Variants in NAALADL2 observed in about 807,000 individuals in gnomAD.
NAALADL2 encodes inactive N-acetylated-alpha-linked acidic dipeptidase-like protein 2.
In NAALADL2, 76 loss-of-function variants were observed where a neutral mutation model predicts 87.2. The ratio of observed to expected loss-of-function variants is 0.87; its 90% CI spans 0.72 to 1.05. The LOEUF (loss-of-function observed/expected upper bound fraction) is 1.05, where lower values mean the gene tolerates loss of function less well. Ranked by LOEUF, NAALADL2 falls within the 50% of genes least tolerant of loss-of-function variation. NAALADL2 has a pLI of 0.00. For missense variants in NAALADL2, 1,089 were observed against 945.8 expected (o/e 1.15, Z -1.99); for synonymous variants, 354 against 331.0 (o/e 1.07, Z -0.75).
chr3:175,391,858 C>T (rs1034202608), intron 5 of NAALADL2, among the ~76,000 whole-genome samples: 3 of 151,970 alleles, frequency 2.0e-5, no homozygotes, highest in African/African-American at 7.3e-5. Flanking sequence ...ATACTAGATG[C>T]TCAATGAATA....
chr3:174,510,279 T>G (rs1187681363), intron 1 of NAALADL2, among the ~76,000 whole-genome samples: 1 of 152,090 alleles, frequency 6.6e-6, no homozygotes, highest in African/African-American at 2.4e-5. Flanking sequence ...CTCTTGGATT[T>G]TCTGAAAAAA....
intron 2 of NAALADL2, among the ~76,000 whole-genome samples, chr3:174,709,977 T>C (rs534745197): frequency 1.5e-4 from 23 of 152,322 alleles, no homozygotes; most frequent in African/African-American, 5.5e-4. Context: ...CCTTTGTTTA[T>C]AAATAGCAGA....
intron 2 of NAALADL2, among the ~76,000 whole-genome samples, chr3:175,188,886 C>T (rs147810518): frequency 1.3e-5 from 2 of 150,606 alleles, no homozygotes; most frequent in Non-Finnish European, 3.0e-5. Flanking sequence ...CCCTGATCTC[C>T]AGGACCCAAG....
chr3:174,598,068 A>G (rs917022482), intron 2 of NAALADL2, among the ~76,000 whole-genome samples: 2 of 152,154 alleles, frequency 1.3e-5, no homozygotes, highest in African/African-American at 4.8e-5. Context: ...TTTGCCAGTT[A>G]GCTTTCAATA....
chr3:174,851,955 T>C (rs536863049), intron 3 of NAALADL2, among the ~76,000 whole-genome samples: 2 of 152,062 alleles, frequency 1.3e-5, no homozygotes, highest in Non-Finnish European at 2.9e-5. Flanking sequence ...TACATTACTT[T>C]AACAGAATGA....
chr3:175,634,344 C>T (rs1217282416), intron 11 of NAALADL2, among the ~76,000 whole-genome samples: 3 of 151,336 alleles, frequency 2.0e-5, no homozygotes, highest in African/African-American at 4.8e-5. Flanking sequence ...ATGTTTAAAA[C>T]ATGTTTGTAT....
chr3:174,531,444 G>C (rs1407295241), intron 1 of NAALADL2, among the ~76,000 whole-genome samples: 1 of 152,008 alleles, frequency 6.6e-6, no homozygotes, highest in Non-Finnish European at 1.5e-5. Context: ...TCCACGTAAA[G>C]GCCATCTCTC....
intron 2 of NAALADL2, among the ~76,000 whole-genome samples, chr3:174,654,070 G>C (rs999171434): frequency 7.4e-5 from 11 of 148,546 alleles, no homozygotes; most frequent in Non-Finnish European, 9.0e-5. Context: ...TTGTGTGTGT[G>C]TGTGTGTGTG....
intron 4 of NAALADL2, among the ~76,000 whole-genome samples, chr3:175,270,037 A>G (rs1218518365): frequency 6.6e-6 from 1 of 152,232 alleles, no homozygotes; most frequent in Non-Finnish European, 1.5e-5. Context: ...TCCTTAAAAT[A>G]AAAATTTTCA....
intron 2 of NAALADL2, among the ~76,000 whole-genome samples, chr3:174,580,260 T>C (rs528040632): frequency 6.6e-6 from 1 of 152,182 alleles, no homozygotes; most frequent in African/African-American, 2.4e-5. Flanking sequence ...ATTTGTACGT[T>C]TTTTCATGTG....
chr3:175,488,754 T>TA (rs773477553), intron 9 of NAALADL2, among the ~76,000 whole-genome samples: 1 of 152,208 alleles, frequency 6.6e-6, no homozygotes, highest in Non-Finnish European at 1.5e-5. Context: ...AAGGATGCAA[T>TA]AAAACATAAA....
chr3:174,642,209 G>C (rs1324689860), intron 2 of NAALADL2, among the ~76,000 whole-genome samples: 2 of 151,882 alleles, frequency 1.3e-5, no homozygotes, highest in Non-Finnish European at 2.9e-5. Context: ...AAAAAAAAAT[G>C]CATGTTGTTT....
intron 2 of NAALADL2, among the ~76,000 whole-genome samples, chr3:174,644,288 T>G (rs1723556153): frequency 6.6e-6 from 1 of 152,208 alleles, no homozygotes; most frequent in South Asian, 2.1e-4. Flanking sequence ...AATACCTAAC[T>G]TGTATGTTAC....
rs151330588 is a variant in NAALADL2, at chr3:175,368,649, T to C, written c.1090+44324T>C. Among the ~76,000 whole-genome samples the C allele has an allele frequency of 3.1e-3, 470 of 151,984 alleles. 3 individuals carry two copies. Among genetic ancestry groups the C allele is most frequent in the African/African-American group, 0.011 (439 of 41,472 alleles). On this transcript the variant is annotated intron_variant, in intron 5 of 13. Coordinates refer to ENST00000454872, the MANE Select transcript of NAALADL2 (RefSeq NM_207015.3). ...AATACGTTCATGTGCCATTTAATAA[T>C]GGAGATGCTTTCTGAGAAATGCATC...
intron 11 of NAALADL2, among the ~76,000 whole-genome samples, chr3:175,727,300 C>T (rs892379772): frequency 2.0e-5 from 3 of 152,204 alleles, no homozygotes; most frequent in Non-Finnish European, 2.9e-5. Flanking sequence ...CTCTTTCCTC[C>T]GGAGGTATTC....
At chr3:175,758,846 T>G (rs1447807634) in intron 13 of NAALADL2, among the ~76,000 whole-genome samples, 1 of 152,094 alleles carries the variant, frequency 6.6e-6, no homozygotes, top group African/African-American at 2.4e-5. Context: ...AGAATCTCAC[T>G]CTCTAACCCA....
At chr3:174,447,406 T>C (rs1354844401) in intron 1 of NAALADL2, among the ~76,000 whole-genome samples, 1 of 152,202 alleles carries the variant, frequency 6.6e-6, no homozygotes, top group Admixed American at 6.5e-5. Context: ...CCATCTTCTT[T>C]TGTAAAACTT....
At chr3:175,199,643 G>A (rs771647813) in intron 2 of NAALADL2, among the ~76,000 whole-genome samples, 213 of 150,962 alleles carry the variant, frequency 1.4e-3, no homozygotes, top group Non-Finnish European at 1.6e-3. Flanking sequence ...CGTAGACTGC[G>A]TGGAGGGAGG....
intron 3 of NAALADL2, among the ~76,000 whole-genome samples, chr3:174,764,477 G>A (rs1178058922): frequency 6.6e-6 from 1 of 152,164 alleles, no homozygotes; most frequent in Non-Finnish European, 1.5e-5. Flanking sequence ...AGGTGTGGTG[G>A]TGTGCACCTG....
Sources: gnomAD v4.1 joint callset for allele counts (sites outside exome capture counted in the v4.1 genomes callset) on GRCh38, gnomAD v4.1.1 for gene constraint, MANE v1.5 for transcripts, NCBI Gene and HGNC (gene_info 2026-07-23, HGNC 2026-07-21) for gene names.